Variants in TCP11L1 observed in about 807,000 individuals in gnomAD.
TCP11L1 encodes t-complex 11 like 1, also known as T-complex protein 11-like protein 1.
Under a neutral mutation model 48.9 loss-of-function variants are expected in TCP11L1, and 28 were observed. That is an observed-to-expected ratio of 0.57 (90% CI 0.42 to 0.78). The LOEUF (loss-of-function observed/expected upper bound fraction) is 0.78, where lower values mean the gene tolerates loss of function less well. TCP11L1 is among the 30% of genes least tolerant of loss of function. The pLI is 0.00. For synonymous variants in TCP11L1, 204 were observed against 231.9 expected (o/e 0.88, Z 1.09); for missense variants, 505 against 613.4 (o/e 0.82, Z 1.87).
At chr11:33,052,385 G>T (rs1854185841) in intron 2 of TCP11L1, among the ~76,000 whole-genome samples, 1 of 151,938 alleles carries the variant, frequency 6.6e-6, no homozygotes, top group Admixed American at 6.6e-5. Flanking sequence ...TTGTGAGGAA[G>T]AATTCTGAGT....
intron 1 of TCP11L1, among the ~76,000 whole-genome samples, chr11:33,042,332 G>T (rs61887048): frequency 8.5e-5 from 13 of 152,076 alleles, no homozygotes; most frequent in African/African-American, 3.1e-4. Context: ...GGGTTTCAGC[G>T]TGTTAGCCAG....
intron 5 of TCP11L1, among the ~76,000 whole-genome samples, chr11:33,058,453 C>T (rs12295782): frequency 0.41 from 62,119 of 151,494 alleles, 12,961 homozygotes; most frequent in African/African-American, 0.47. Context: ...CTGCCTTGGC[C>T]TCCCAAAGTG....
At chr11:33,048,764 C>T (rs1854071533) in intron 2 of TCP11L1, among the ~76,000 whole-genome samples, 1 of 152,162 alleles carries the variant, frequency 6.6e-6, no homozygotes, top group African/African-American at 2.4e-5. Flanking sequence ...TTTCATAGCA[C>T]ACCCTTAAGT....
intron 7 of TCP11L1, among the ~76,000 whole-genome samples, chr11:33,062,718 GTC>G (rs2133734350): frequency 6.6e-6 from 1 of 152,316 alleles, no homozygotes; most frequent in East Asian, 1.9e-4. Context: ...TCTACTTTGA[GTC>G]TCTGTGAATT....
In TCP11L1 at chr11:33,043,857, T is replaced by C; in HGVS notation, c.84T>C (p.Ala28=). 6.2e-7 allele frequency: 1 copy of C among 1,614,004 alleles called. No homozygotes were observed. The highest frequency in any genetic ancestry group is 8.5e-7 in the Non-Finnish European group (1 of 1,179,944). Residue 28 remains alanine (A), a synonymous_variant, in exon 2 of 10, where the codon GCT becomes GCC. Coordinates refer to ENST00000334274, the MANE Select transcript of TCP11L1 (RefSeq NM_018393.4). ...ATTCTGAGGAAGGCCTCGAAGATGC[T>C]GTGGAAGGTGCTGATGAAGCCTTAC... ...SNDSEEGLED[A]VEGADEALQK...
rs746827995 is a variant in TCP11L1, at chr11:33,057,098, T to A, written c.297-17T>A. 5.0e-5 allele frequency: 81 copies of A among 1,609,134 alleles called. No individual in the cohort carries two copies. Among genetic ancestry groups the A allele is most frequent in the Admixed American group, 1.4e-4 (8 of 58,920 alleles). On this transcript the variant is annotated splice_polypyrimidine_tract_variant and intron_variant, in intron 3 of 9. Transcript: ENST00000334274. ...TTTTGGTTTTTGCCCCCCTCCTTTT[T>A]TTTTTCACTGCCCCAGCTTGAAGAA...
At chr11:33,042,026 G>A (rs1215189015) in intron 1 of TCP11L1, among the ~76,000 whole-genome samples, 2 of 152,190 alleles carry the variant, frequency 1.3e-5, no homozygotes, top group African/African-American at 4.8e-5. Flanking sequence ...ATTATTTTCA[G>A]CAAATGCAGA....
At chr11:33,069,536 A>G (rs1854716737) in intron 9 of TCP11L1, among the ~76,000 whole-genome samples, 2 of 152,166 alleles carry the variant, frequency 1.3e-5, no homozygotes. Flanking sequence ...GCTCGACTTA[A>G]TCATTTTGTA....
intron 2 of TCP11L1, among the ~76,000 whole-genome samples, chr11:33,044,577 G>A (rs746419132): frequency 5.9e-5 from 9 of 152,274 alleles, no homozygotes; most frequent in Non-Finnish European, 1.0e-4. Context: ...TAAGAATGTC[G>A]GTATTGATGT....
Position 33,072,460 on chromosome 11 carries a change from C to T in TCP11L1, c.1328-14C>T. ...AGGACAAGAAACAACTGACCACTTTCTTTTTTGTCACAGAATCTCGAATCC... is the reference window on the plus strand; with the variant it reads ...AGGACAAGAAACAACTGACCACTTTTTTTTTTGTCACAGAATCTCGAATCC... On this transcript the variant is annotated splice_polypyrimidine_tract_variant and intron_variant, in intron 9 of 9. Coordinates refer to ENST00000334274, the MANE Select transcript of TCP11L1 (RefSeq NM_018393.4). The T allele has an allele frequency of 6.2e-7, 1 of 1,613,998 alleles. No individual in the cohort carries two copies. Among genetic ancestry groups the T allele is most frequent in the Non-Finnish European group, 8.5e-7 (1 of 1,179,894 alleles).
At chr11:33,064,734 G>T (rs12221854) in intron 7 of TCP11L1, among the ~76,000 whole-genome samples, 4 of 151,884 alleles carry the variant, frequency 2.6e-5, no homozygotes, top group South Asian at 2.1e-4. Flanking sequence ...AGATGAATAA[G>T]TGTAGGCTCT....
At chr11:33,049,395 C>G (rs182287456) in intron 2 of TCP11L1, among the ~76,000 whole-genome samples, 3 of 151,902 alleles carry the variant, frequency 2.0e-5, no homozygotes, top group African/African-American at 7.3e-5. Context: ...TCATGTGGGA[C>G]GAGAGACTGA....
chr11:33,057,090 C>T, intron 3 of TCP11L1, 25 bp from the exon 4 acceptor site: 1 of 1,610,946 alleles, frequency 6.2e-7, no homozygotes, highest in Non-Finnish European at 8.5e-7. Flanking sequence ...TTTTGCCCCC[C>T]TCCTTTTTTT....
chr11:33,050,334 TGA>T (rs1854122002), intron 2 of TCP11L1, among the ~76,000 whole-genome samples: 1 of 152,266 alleles, frequency 6.6e-6, no homozygotes, highest in African/African-American at 2.4e-5. Context: ...TAATAATCTC[TGA>T]GTTTCTTCTT....
At chr11:33,055,528 G>C (rs4635050) in intron 3 of TCP11L1, among the ~76,000 whole-genome samples, 62,466 of 152,084 alleles carry the variant, frequency 0.41, 13,061 homozygotes, top group African/African-American at 0.48. Flanking sequence ...CTTGCTATAA[G>C]TGAACCTGGA....
chr11:33,040,999 C>G (rs7120390), intron 1 of TCP11L1: 62,052 of 152,104 alleles, frequency 0.41, 12,852 homozygotes, highest in African/African-American at 0.46. Flanking sequence ...GTATTTGCAT[C>G]TTTCTATTTA....
chr11:33,071,352 TCAG>T (rs1854785141), intron 9 of TCP11L1, among the ~76,000 whole-genome samples: 1 of 152,142 alleles, frequency 6.6e-6, no homozygotes, highest in Admixed American at 6.5e-5. Flanking sequence ...CCCTGTCCTG[TCAG>T]CAGTTTCTGT....
intron 9 of TCP11L1, among the ~76,000 whole-genome samples, chr11:33,071,597 C>G (rs1170839925): frequency 6.6e-6 from 1 of 152,176 alleles, no homozygotes; most frequent in Non-Finnish European, 1.5e-5. Context: ...CTAAATTATT[C>G]CTCCAAGTAG....
rs545828094 is a variant in TCP11L1, at chr11:33,052,219, A to G, written c.164-2374A>G. On this transcript the variant is annotated intron_variant, in intron 2 of 9. Coordinates refer to ENST00000334274, the MANE Select transcript of TCP11L1 (RefSeq NM_018393.4). The stretch of plus-strand genomic sequence containing the variant: ...GATTACCTGTATAACAAACCTGCAC[A>G]TGTACACCTGAACTTAAAAGTTAAA... 1.3e-4 allele frequency among the ~76,000 whole-genome samples: 20 copies of G among 152,342 alleles called. No individual in the cohort carries two copies. The South Asian group carries it at 2.1e-3, about 16-fold the overall frequency.
Sources: gnomAD v4.1 joint callset for allele counts (sites outside exome capture counted in the v4.1 genomes callset) on GRCh38, gnomAD v4.1.1 for gene constraint, MANE v1.5 for transcripts, NCBI Gene and HGNC (gene_info 2026-07-23, HGNC 2026-07-21) for gene names.